Variants in TMEM229B observed in about 807,000 individuals in gnomAD.
TMEM229B encodes chromosome 14 open reading frame 83.
TMEM229B carries 6 observed loss-of-function variants against 13.7 expected under a neutral mutation model. The ratio of observed to expected loss-of-function variants is 0.44; its 90% confidence interval spans 0.24 to 0.86. TMEM229B has a LOEUF of 0.86. Among genes scored for constraint, TMEM229B ranks in the 40% least tolerant of loss-of-function variants. TMEM229B has a pLI of 0.23. For missense variants in TMEM229B, 170 were observed against 236.0 expected (o/e 0.72, Z 1.83); for synonymous variants, 107 against 102.1 (o/e 1.05, Z -0.29).
Position 67,473,467 on chromosome 14 carries a change from G to C in TMEM229B, c.457C>G (p.Pro153Ala), listed in dbSNP as rs1181495470. 6.2e-7 allele frequency: 1 copy of C among 1,614,184 alleles called. No homozygotes were observed. Among genetic ancestry groups the C allele is most frequent in the Non-Finnish European group, 8.5e-7 (1 of 1,180,038 alleles). ...TTGGCCAGGGCTAGGGCGCCGCTGG[G>C]CTCCCCGGGCTCAGCGTCCTTGTCG... is the stretch of plus-strand genomic sequence containing the variant. ...RFDKDAEPGE[P>A]SGALALANGH... The change falls in exon 3 of 3, where the codon CCC (proline) becomes GCC (alanine). Residue 153 changes from proline (P) to alanine (A), a missense_variant. Around this residue, in one of 4 missense-constraint regions of TMEM229B, gnomAD observed 70 missense variants for 60.9 expected, o/e 1.15. Transcript: ENST00000554480. The surrounding 1 kb of genome is among the most constrained non-coding windows in gnomAD (Gnocchi z 6.5).
chr14:67,515,407 C>CCGGCGGCGG (rs552146261), exon 1 of TMEM229B: 6,937 of 178,828 alleles, frequency 0.039, 206 homozygotes, highest in Non-Finnish European at 0.056. Flanking sequence ...AAAGGAGCCC[C>CCGGCGGCGG]CGGCGGCGGC....
chr14:67,520,111 G>A (rs1364457115), upstream of TMEM229B, among the ~76,000 whole-genome samples: 1 of 152,148 alleles, frequency 6.6e-6, no homozygotes, highest in Non-Finnish European at 1.5e-5. Flanking sequence ...CTCCACACAT[G>A]CATAGACTTC....
At chr14:67,532,617 C>T (rs543828673) in intron 1 of TMEM229B, among the ~76,000 whole-genome samples, 1 of 152,286 alleles carries the variant, frequency 6.6e-6, no homozygotes, top group African/African-American at 2.4e-5. Flanking sequence ...GGCCTGGAGG[C>T]CCAGGCGGGA....
intron 2 of TMEM229B, among the ~76,000 whole-genome samples, chr14:67,476,716 A>G (rs1017948773): frequency 6.6e-6 from 1 of 152,240 alleles, no homozygotes; most frequent in Non-Finnish European, 1.5e-5. Flanking sequence ...GGGCCAGTAA[A>G]TGGAAGAGCT....
chr14:67,515,294 C>G (rs2033168498), exon 1 of TMEM229B: 1 of 153,438 alleles, frequency 6.5e-6, no homozygotes, highest in South Asian at 2.0e-4. Flanking sequence ...GCCTCCCCCA[C>G]GCCGCCTGGC....
chr14:67,505,263 T>G (rs566128776), intron 1 of TMEM229B, among the ~76,000 whole-genome samples: 50 of 152,242 alleles, frequency 3.3e-4, no homozygotes, highest in African/African-American at 1.2e-3. Context: ...TTGCTGTTAG[T>G]GTGCTGTGAT....
chr14:67,500,569 T>A (rs551649639), intron 1 of TMEM229B, among the ~76,000 whole-genome samples: 17 of 148,548 alleles, frequency 1.1e-4, no homozygotes, highest in African/African-American at 3.0e-4. Context: ...CCATGTGCAT[T>A]TGGATTTTTT....
chr14:67,474,265 CA>C (rs142238210), intron 2 of TMEM229B, among the ~76,000 whole-genome samples: 8 of 144,752 alleles, frequency 5.5e-5, no homozygotes, highest in South Asian at 2.2e-4. Context: ...AAAAACAAAA[CA>C]AAAAAAAAAC....
intron 1 of TMEM229B, among the ~76,000 whole-genome samples, chr14:67,501,957 T>C (rs1035826129): frequency 1.3e-5 from 2 of 152,220 alleles, no homozygotes; most frequent in Non-Finnish European, 2.9e-5. Flanking sequence ...AGAAAATCTT[T>C]TGGTTTTATA....
chr14:67,476,845 G>T (rs1444794537), intron 2 of TMEM229B, among the ~76,000 whole-genome samples: 1 of 152,134 alleles, frequency 6.6e-6, no homozygotes, highest in Non-Finnish European at 1.5e-5. Context: ...CTCGATAGTG[G>T]CTGGGCACAG....
chr14:67,502,732 G>A (rs187888094), intron 1 of TMEM229B, among the ~76,000 whole-genome samples: 94 of 152,090 alleles, frequency 6.2e-4, no homozygotes, highest in African/African-American at 2.0e-3. Context: ...GATTATAGGC[G>A]TGAGCCACCG....
rs1042958371 is a variant in TMEM229B, at chr14:67,522,412, C to T, written c.-192+11224G>A. Among the ~76,000 whole-genome samples the T allele has an allele frequency of 9.9e-5, 15 of 152,106 alleles. 2 individuals carry two copies. The highest frequency in any genetic ancestry group is 8.5e-4 in the Admixed American group (13 of 15,264). On this transcript the variant is annotated intron_variant, in intron 1 of 2. Coordinates refer to the TMEM229B transcript ENST00000554278. ...TTTGCCAGGATACAAGAAGCTTAGT[C>T]GTCTGAGGGGGGACAAAGGAGTATT...
chr14:67,477,894 G>A (rs1164489763), intron 2 of TMEM229B, among the ~76,000 whole-genome samples: 7 of 152,170 alleles, frequency 4.6e-5, no homozygotes, highest in Admixed American at 6.5e-5. Flanking sequence ...AAGTCTGTCT[G>A]GCTTCCTCTG....
intron 2 of TMEM229B, among the ~76,000 whole-genome samples, chr14:67,486,298 CAG>C (rs772930033): frequency 3.9e-5 from 6 of 152,204 alleles, no homozygotes; most frequent in Non-Finnish European, 8.8e-5. Context: ...TGTTTTGAGA[CAG>C]AGTCTTGCTC....
At chr14:67,528,862 G>A (rs2033405944) in intron 1 of TMEM229B, among the ~76,000 whole-genome samples, 1 of 152,128 alleles carries the variant, frequency 6.6e-6, no homozygotes, top group South Asian at 2.1e-4. Context: ...GCAGACTCCT[G>A]GGCCCACTGA....
At chr14:67,502,221 C>T (rs11158674) in intron 1 of TMEM229B, among the ~76,000 whole-genome samples, 10,925 of 151,790 alleles carry the variant, frequency 0.072, 483 homozygotes, top group East Asian at 0.15. Context: ...GTCCCAGCTA[C>T]TCGGGAGGCT....
chr14:67,492,581 C>T (rs905212985), upstream of TMEM229B, among the ~76,000 whole-genome samples: 7 of 152,284 alleles, frequency 4.6e-5, no homozygotes, highest in South Asian at 2.1e-4. Context: ...TGATGGGGAC[C>T]CTGCCCCTTT....
intron 1 of TMEM229B, chr14:67,533,267 C>T (rs1245533229): frequency 6.6e-6 from 1 of 151,992 alleles, no homozygotes; most frequent in African/African-American, 2.4e-5. Flanking sequence ...CCCACGACCC[C>T]TGCTGCCGGG....
chr14:67,477,166 C>CAA (rs3070452), intron 2 of TMEM229B, among the ~76,000 whole-genome samples: 1 of 137,132 alleles, frequency 7.3e-6, no homozygotes, highest in Non-Finnish European at 1.6e-5. Context: ...AACTCCATCT[C>CAA]AAAAAAAAAA....
Sources: gnomAD v4.1 joint callset for allele counts (sites outside exome capture counted in the v4.1 genomes callset) on GRCh38, gnomAD v4.1.1 for gene constraint, gnomAD v4.1.1 regional missense constraint, Gnocchi (gnomAD v3.1) non-coding constraint, MANE v1.5 for transcripts, NCBI Gene and HGNC (gene_info 2026-07-23, HGNC 2026-07-21) for gene names.